Variants in SYT14 observed in about 807,000 individuals in gnomAD.
The protein encoded by SYT14 is synaptotagmin 14.
A neutral mutation model predicts 74.2 loss-of-function variants in SYT14; 32 were observed. The ratio of observed to expected loss-of-function variants is 0.43; its 90% CI spans 0.33 to 0.58. The LOEUF (loss-of-function observed/expected upper bound fraction) is 0.58, where lower values mean the gene tolerates loss of function less well. Among genes scored for constraint, SYT14 ranks in the 20% least tolerant of loss-of-function variants. The pLI is 0.05. For synonymous variants in SYT14, 298 were observed against 337.7 expected (o/e 0.88, Z 1.29); for missense variants, 791 against 981.8 (o/e 0.81, Z 2.60).
intron 2 of SYT14, among the ~76,000 whole-genome samples, chr1:209,990,399 T>A (rs1484327816): frequency 6.6e-6 from 1 of 151,094 alleles, no homozygotes; most frequent in African/African-American, 2.4e-5. Context: ...ATACGTTTCA[T>A]CATGGAACGC....
intron 4 of SYT14, 73 bp from the exon 4 acceptor site, chr1:210,020,966 G>T: frequency 2.4e-6 from 3 of 1,247,628 alleles, no homozygotes; most frequent in Non-Finnish European, 3.5e-6. Context: ...CATTTGACGG[G>T]CCCAGTAGGG....
intron 3 of SYT14, chr1:210,015,543 G>C (rs1207838468): frequency 6.5e-6 from 1 of 152,694 alleles, no homozygotes; most frequent in Non-Finnish European, 1.5e-5. Context: ...AAATTGTTTA[G>C]ATATTTCTCT....
At chr1:210,026,400 G>A (rs886134338) in intron 5 of SYT14, among the ~76,000 whole-genome samples, 2 of 151,964 alleles carry the variant, frequency 1.3e-5, no homozygotes, top group Admixed American at 1.3e-4. Context: ...TCTATATGAA[G>A]ATCAAGTTCA....
intron 1 of SYT14, among the ~76,000 whole-genome samples, chr1:209,950,591 A>T (rs1340195399): frequency 6.6e-6 from 1 of 152,184 alleles, no homozygotes; most frequent in African/African-American, 2.4e-5. Flanking sequence ...ATCAGTGGTT[A>T]TTCTGTATTT....
At chr1:209,954,071 T>A (rs1197803696) in intron 2 of SYT14, among the ~76,000 whole-genome samples, 1 of 152,224 alleles carries the variant, frequency 6.6e-6, no homozygotes, top group African/African-American at 2.4e-5. Context: ...TAAAACTTTT[T>A]AAAACTTTTA....
intron 2 of SYT14, among the ~76,000 whole-genome samples, chr1:209,966,478 T>C (rs1021851490): frequency 5.3e-5 from 8 of 152,226 alleles, no homozygotes; most frequent in Non-Finnish European, 1.0e-4. Flanking sequence ...TCCATGAACC[T>C]AGTGTATATT....
intron 2 of SYT14, among the ~76,000 whole-genome samples, chr1:209,979,478 G>A (rs1405037459): frequency 2.0e-5 from 3 of 151,818 alleles, no homozygotes; most frequent in East Asian, 3.9e-4. Context: ...GGGTACATTT[G>A]CAGGATGCGA....
At chr1:209,991,295 T>G (rs2079680056) in intron 2 of SYT14, among the ~76,000 whole-genome samples, 1 of 152,058 alleles carries the variant, frequency 6.6e-6, no homozygotes, top group Admixed American at 6.6e-5. Context: ...CTATATAAAC[T>G]GAAAAGCTTC....
chr1:209,971,017 A>G (rs1353215521), intron 2 of SYT14, among the ~76,000 whole-genome samples: 1 of 152,028 alleles, frequency 6.6e-6, no homozygotes, highest in East Asian at 1.9e-4. Flanking sequence ...TCTCCAATCC[A>G]TGAGCATGGA....
intron 7 of SYT14, among the ~76,000 whole-genome samples, chr1:210,136,297 A>C (rs560105517): frequency 6.6e-6 from 1 of 152,178 alleles, no homozygotes; most frequent in South Asian, 2.1e-4. Flanking sequence ...AGAGAGAGAG[A>C]AGCAGGAGGC....
intron 2 of SYT14, among the ~76,000 whole-genome samples, chr1:209,969,648 G>T (rs565443321): frequency 6.6e-6 from 1 of 151,554 alleles, no homozygotes; most frequent in African/African-American, 2.4e-5. Flanking sequence ...CCACCACACT[G>T]GGCTAATTTT....
chr1:210,117,238 A>T (rs1040768009), intron 7 of SYT14, among the ~76,000 whole-genome samples: 1 of 152,090 alleles, frequency 6.6e-6, no homozygotes, highest in African/African-American at 2.4e-5. Context: ...CTTCAGTTTG[A>T]TGTTTATACT....
At chr1:210,157,746 A>C (rs1282510244) in intron 8 of SYT14, among the ~76,000 whole-genome samples, 1 of 151,676 alleles carries the variant, frequency 6.6e-6, no homozygotes, top group African/African-American at 2.4e-5. Flanking sequence ...ATCTAAAAAA[A>C]TAAAAATAAA....
At chr1:209,969,940 A>T (rs555257739) in intron 2 of SYT14, among the ~76,000 whole-genome samples, 2 of 152,006 alleles carry the variant, frequency 1.3e-5, no homozygotes, top group African/African-American at 4.8e-5. Flanking sequence ...TTTATTTCTT[A>T]TAGATTCTGG....
intron 5 of SYT14, among the ~76,000 whole-genome samples, chr1:210,031,114 A>G (rs1347261229): frequency 3.2e-5 from 3 of 92,532 alleles, no homozygotes; most frequent in Non-Finnish European, 6.5e-5. Flanking sequence ...TTTTTTTGGT[A>G]GAGATTGGGG....
At chr1:209,971,074 G>A (rs2079246992) in intron 2 of SYT14, among the ~76,000 whole-genome samples, 1 of 152,070 alleles carries the variant, frequency 6.6e-6, no homozygotes, top group Admixed American at 6.6e-5. Context: ...GCAGTGTTTG[G>A]TAGTTCCTCT....
chr1:209,984,941 A>C (rs12760993), intron 2 of SYT14, among the ~76,000 whole-genome samples: 1 of 152,188 alleles, frequency 6.6e-6, no homozygotes, highest in African/African-American at 2.4e-5. Flanking sequence ...GCACTAAGCC[A>C]TGAGAATTCT....
intron 5 of SYT14, among the ~76,000 whole-genome samples, chr1:210,062,272 G>A (rs2102414450): frequency 1.3e-5 from 2 of 151,900 alleles, no homozygotes; most frequent in East Asian, 3.9e-4. Context: ...GTGCATATTT[G>A]GAAATTTGAT....
chr1:210,101,991 G>A (rs554630953), intron 7 of SYT14, among the ~76,000 whole-genome samples: 3 of 152,250 alleles, frequency 2.0e-5, no homozygotes, highest in South Asian at 2.1e-4. Flanking sequence ...CCTACATTAC[G>A]TGTGTTAGCT....
Sources: gnomAD v4.1 joint callset for allele counts (sites outside exome capture counted in the v4.1 genomes callset) on GRCh38, gnomAD v4.1.1 for gene constraint, MANE v1.5 for transcripts, NCBI Gene and HGNC (gene_info 2026-07-23, HGNC 2026-07-21) for gene names.